The following NAA25 variants were observed in gnomAD, a reference collection of about 807,000 sequenced individuals.
NAA25 encodes the protein N-terminal acetyltransferase B complex subunit NAA25.
NAA25 carries 30 observed loss-of-function variants against 132.5 expected under a neutral mutation model. That is an observed-to-expected ratio of 0.23 (90% confidence interval 0.17 to 0.31). The LOEUF (loss-of-function observed/expected upper bound fraction) is 0.31. Among genes scored for constraint, NAA25 ranks in the 10% least tolerant of loss-of-function variants. NAA25 has a pLI of 1.00. For synonymous variants in NAA25, 359 were observed against 401.9 expected (o/e 0.89, Z 1.28); for missense variants, 771 against 1,150.4 (o/e 0.67, Z 4.77).
Position 112,043,737 on chromosome 12 carries a change from T to C in NAA25, c.2138A>G (p.Glu713Gly), listed in dbSNP as rs1402252984. The change falls in exon 18 of 24, where the codon GAG (glutamate) becomes GGG (glycine). Residue 713 changes from glutamate (E) to glycine (G), a missense_variant. Glu to Gly is a moderately conservative substitution (Grantham distance 98, BLOSUM62 -2). Transcript: ENST00000261745. ...LNHPVEPKNSEKTAENGVSSR... is the reference protein window; with the variant it reads ...LNHPVEPKNSGKTAENGVSSR... ...GGATACCCCATTCTCGGCAGTCTTC[T>C]CCGAGTTCTTTGGCTCCACAGGGTG... The C allele has an allele frequency of 6.2e-7, 1 of 1,614,076 alleles. No homozygotes were observed. Among genetic ancestry groups the C allele is most frequent in the Non-Finnish European group, 8.5e-7 (1 of 1,180,046 alleles).
Position 112,108,759 on chromosome 12 carries a change from GC to G in NAA25, c.14del (p.Gly5AlafsTer34), listed in dbSNP as rs1447583349. The G allele has an allele frequency of 6.6e-7, 1 of 1,525,212 alleles. No individual in the cohort carries two copies. The allele number at this position is 1,525,212 out of a possible 1,614,324, so 94.5% of individuals were successfully genotyped here. MATR[G>X]HVQDPNDRRL... The stretch of plus-strand genomic sequence containing the variant: ...GCCTGTCGTTAGGGTCCTGCACATG[GC>G]CCCGCGTCGCCATGATGACAAGCGC... On this transcript the variant is annotated frameshift_variant, in exon 1 of 24. Coordinates refer to ENST00000261745, the MANE Select transcript of NAA25 (RefSeq NM_024953.4). LOFTEE classifies it high-confidence loss of function.
intron 6 of NAA25, 89 bp downstream of exon 6, chr12:112,078,545 G>T: frequency 8.2e-7 from 1 of 1,223,372 alleles, no homozygotes; most frequent in Non-Finnish European, 1.2e-6. Flanking sequence ...TATCAAACTG[G>T]AACAAAACAA....
At chr12:112,030,108 G>A (rs1264189274) in intron 23 of NAA25, among the ~76,000 whole-genome samples, 2 of 147,620 alleles carry the variant, frequency 1.4e-5, no homozygotes, top group Non-Finnish European at 3.0e-5. Context: ...AGCTACTTGG[G>A]AAGCTGAGGC....
rs1178787803 is a variant in NAA25 at position 112,074,902 on chromosome 12, T to C, written c.777-138A>G. On this transcript the variant is annotated intron_variant, in intron 8 of 23. Coordinates refer to ENST00000261745, the MANE Select transcript of NAA25 (RefSeq NM_024953.4). ...TTGGCTTACCCCCACCCACTCCATGTTTCCTTTGCAAATCTAAAAGGGCAT... is the reference window on the plus strand; with the variant it reads ...TTGGCTTACCCCCACCCACTCCATGCTTCCTTTGCAAATCTAAAAGGGCAT... 1.9e-5 allele frequency: 10 copies of C among 532,716 alleles called. No homozygotes were observed. In the East Asian group the frequency reaches 3.2e-4, roughly 17 times the overall value. 33.0% of individuals were successfully genotyped at this position (532,716 alleles called of 1,614,324 possible).
At chr12:112,034,489 G>A (rs1313776671) in intron 22 of NAA25, 3 of 152,328 alleles carry the variant, frequency 2.0e-5, no homozygotes, top group African/African-American at 7.2e-5. Flanking sequence ...AGCCGTGCAT[G>A]GTGGCAGGCG....
At chr12:112,034,327 A>C (rs1163754182) in intron 22 of NAA25, 1 of 152,080 alleles carries the variant, frequency 6.6e-6, no homozygotes, top group Non-Finnish European at 1.5e-5. Context: ...GTAAAACCCC[A>C]TCTCTACTAA....
chr12:112,037,520 T>C (rs2078241218), intron 22 of NAA25: 1 of 147,834 alleles, frequency 6.8e-6, no homozygotes, highest in South Asian at 2.2e-4. Flanking sequence ...GGAAATAGGA[T>C]ATTCATAGAC....
At chr12:112,034,059 G>A (rs1294739628) in intron 22 of NAA25, 2 of 152,080 alleles carry the variant, frequency 1.3e-5, no homozygotes, top group Admixed American at 6.5e-5. Context: ...AGAAAAAGGA[G>A]ATACCAATAT....
chr12:112,069,276 C>T (rs1282420953), intron 10 of NAA25: 4 of 274,482 alleles, frequency 1.5e-5, no homozygotes, highest in East Asian at 9.2e-5. Flanking sequence ...AAGACTAAGG[C>T]GGGCAATCCC....
chr12:112,063,360 G>T (rs1422280673), intron 11 of NAA25, among the ~76,000 whole-genome samples: 1 of 152,194 alleles, frequency 6.6e-6, no homozygotes, highest in African/African-American at 2.4e-5. Context: ...AAAGTTCACA[G>T]ATGGAATTTC....
At chr12:112,039,774 T>C in intron 21 of NAA25, 1 of 161,430 alleles carries the variant, frequency 6.2e-6, no homozygotes, top group Non-Finnish European at 1.3e-5. Context: ...TTAACTTACA[T>C]ATGTATGGCA....
chr12:112,040,048 T>C (rs962476989), intron 21 of NAA25: 2 of 157,514 alleles, frequency 1.3e-5, no homozygotes, highest in African/African-American at 2.4e-5. Context: ...GCAATCTTCC[T>C]TCTCTTCCCT....
At chr12:112,036,623 T>C (rs997282869) in intron 22 of NAA25, among the ~76,000 whole-genome samples, 1 of 151,886 alleles carries the variant, frequency 6.6e-6, no homozygotes, top group Non-Finnish European at 1.5e-5. Context: ...CCGAGGCAGG[T>C]GGATCACCTG....
At chr12:112,038,309 C>A (rs139026920) in intron 22 of NAA25, among the ~76,000 whole-genome samples, 1 of 152,052 alleles carries the variant, frequency 6.6e-6, no homozygotes. Context: ...CCACCACATC[C>A]GGCCTGAATA....
At chr12:112,086,073 T>TATACACACACACAC (rs759148501) in intron 4 of NAA25, among the ~76,000 whole-genome samples, 2 of 53,982 alleles carry the variant, frequency 3.7e-5, no homozygotes, top group African/African-American at 1.2e-4. Context: ...TATATATATA[T>TATACACACACACAC]ACACACACAC....
intron 10 of NAA25, among the ~76,000 whole-genome samples, chr12:112,071,593 A>G (rs751586528): frequency 1.3e-5 from 2 of 152,146 alleles, no homozygotes; most frequent in Non-Finnish European, 2.9e-5. Flanking sequence ...CAGCCTCCCA[A>G]AGTGCTGGGA....
At chr12:112,073,929 GAA>G (rs1253449735) in intron 9 of NAA25, among the ~76,000 whole-genome samples, 2 of 150,778 alleles carry the variant, frequency 1.3e-5, no homozygotes, top group African/African-American at 4.9e-5. Context: ...GAAAAAAAAT[GAA>G]AGAGATCTAC....
intron 1 of NAA25, among the ~76,000 whole-genome samples, chr12:112,105,319 G>T (rs759043685): frequency 6.6e-6 from 1 of 152,094 alleles, no homozygotes. Context: ...AAAAAATAAC[G>T]AAAGAAGGCA....
chr12:112,031,686 T>C (rs2078152303), intron 23 of NAA25, among the ~76,000 whole-genome samples: 1 of 152,034 alleles, frequency 6.6e-6, no homozygotes, highest in Admixed American at 6.6e-5. Context: ...AACAGGGCTA[T>C]TGTGCCTATC....
Sources: gnomAD v4.1 joint callset for allele counts (sites outside exome capture counted in the v4.1 genomes callset) on GRCh38, gnomAD v4.1.1 for gene constraint, MANE v1.5 for transcripts, NCBI Gene and HGNC (gene_info 2026-07-23, HGNC 2026-07-21) for gene names.